Variants in GNA15 observed in about 807,000 individuals in gnomAD.
The protein encoded by GNA15 is guanine nucleotide-binding protein subunit alpha-15.
A neutral mutation model predicts 40.1 loss-of-function variants in GNA15; 23 were observed. The observed-to-expected ratio is 0.57, with a 90% CI of 0.41 to 0.81. The LOEUF is 0.81. GNA15 is among the 40% of genes least tolerant of loss of function. The probability of loss-of-function intolerance (pLI) is 0.00; values close to 1 mark genes in which losing one functional copy is unlikely to be tolerated. For synonymous variants in GNA15, 226 were observed against 210.4 expected (o/e 1.07, Z -0.64); for missense variants, 522 against 515.8 (o/e 1.01, Z -0.12).
chr19:3,149,774 T>G (rs948926705), intron 2 of GNA15: 1 of 191,248 alleles, frequency 5.2e-6, no homozygotes. Flanking sequence ...CAGTGCTCTG[T>G]GTCTTAGTCG....
Position 3,161,048 on chromosome 19 carries a change from TC to T in GNA15, c.899-1743del. 1.3e-5 allele frequency among the ~76,000 whole-genome samples: 2 copies of T among 150,876 alleles called. 1 individual carries two copies. Among genetic ancestry groups the T allele is most frequent in the South Asian group, 4.2e-4 (2 of 4,752 alleles). On this transcript the variant is annotated intron_variant, in intron 6 of 6. Transcript: ENST00000262958. ...GCCTCAACCTCCTGGGCACAGGTGA[TC>T]CTCCCACCTCAGCCTCTTGAGTTGC... is the stretch of plus-strand genomic sequence containing the variant.
chr19:3,151,042 G>A lies in GNA15; in HGVS notation c.486-665G>A, dbSNP rs1466406662. Among the ~76,000 whole-genome samples, 3 of 151,290 alleles carry A rather than the reference G, an allele frequency of 2.0e-5. No homozygotes were observed. The highest frequency in any genetic ancestry group is 7.3e-5 in the African/African-American group (3 of 41,154). ...CCTAGAGTGACCCTGTTCTTGGAGG[G>A]ACCCTGTTCCTGGGGGGACCTTGTT... On this transcript the variant is annotated intron_variant, in intron 3 of 6. Transcript: ENST00000262958. This position sits in a 1 kb window ranked among gnomAD's most constrained non-coding sequence, Gnocchi z 5.0.
rs548919904 is a variant in GNA15, at chr19:3,150,256, G to A, written c.456G>A (p.Arg152=). ...TCCGGGCCTGCTATGAGCGTCGGCGGGAATTCCACCTGCTCGATTCAGCCG... is the reference window on the plus strand; with the variant it reads ...TCCGGGCCTGCTATGAGCGTCGGCGAGAATTCCACCTGCTCGATTCAGCCG... The part of the protein sequence containing the change: ...AGIRACYERR[R]EFHLLDSAVY... The change falls in exon 3 of 7, where the codon CGG becomes CGA. Residue 152 remains arginine, a synonymous_variant. Coordinates refer to ENST00000262958, the MANE Select transcript of GNA15 (RefSeq NM_002068.4). The A allele has an allele frequency of 1.2e-6, 2 of 1,604,826 alleles. No homozygotes were observed. The highest frequency in any genetic ancestry group is 2.2e-5 in the East Asian group (1 of 44,686).
intron 1 of GNA15, among the ~76,000 whole-genome samples, chr19:3,147,319 G>A (rs749376165): frequency 1.1e-4 from 17 of 151,926 alleles, no homozygotes; most frequent in Non-Finnish European, 1.6e-4. Flanking sequence ...TTGGGAGGCC[G>A]AGGCAGACGG....
intron 6 of GNA15, among the ~76,000 whole-genome samples, chr19:3,160,259 G>T (rs1915112702): frequency 6.6e-6 from 1 of 152,000 alleles, no homozygotes; most frequent in African/African-American, 2.4e-5. Flanking sequence ...CTCTCTCTGT[G>T]TCTCTCCCTG....
chr19:3,160,937 C>CTT (rs149959587), intron 6 of GNA15, among the ~76,000 whole-genome samples: 69 of 101,406 alleles, frequency 6.8e-4, no homozygotes, highest in African/African-American at 9.9e-4. Context: ...GGTATGACCA[C>CTT]TTTTTTTTTT....
intron 1 of GNA15, among the ~76,000 whole-genome samples, chr19:3,140,332 C>A (rs755094263): frequency 6.6e-6 from 1 of 152,070 alleles, no homozygotes; most frequent in Non-Finnish European, 1.5e-5. Flanking sequence ...CTCTCTTTTG[C>A]TCTTGGTATC....
chr19:3,160,214 G>A (rs1029554743), intron 6 of GNA15, among the ~76,000 whole-genome samples: 1 of 151,772 alleles, frequency 6.6e-6, no homozygotes, highest in African/African-American at 2.4e-5. Context: ...TCCCCCATAT[G>A]TCTGGTGCCT....
At chr19:3,141,280 A>G (rs913348868) in intron 1 of GNA15, among the ~76,000 whole-genome samples, 5 of 152,132 alleles carry the variant, frequency 3.3e-5, no homozygotes, top group African/African-American at 9.7e-5. Context: ...ACATTGCGAG[A>G]CCCAGTCTCT....
In GNA15 at chr19:3,136,221, C is replaced by T. The variant is rs547805062; in HGVS notation, c.-230C>T. ...GAGCCCTGGCCTCCCCACCTCCTCC[C>T]GTCCCCACCCTGTTCCCAGCACTCA... On this transcript the variant is annotated 5_prime_UTR_variant, in exon 1 of 7. Transcript: ENST00000262958. The surrounding 1 kb of genome is among the most constrained non-coding windows in gnomAD (Gnocchi z 4.9). 5.3e-5 allele frequency: 26 copies of T among 490,944 alleles called. No individual in the cohort carries two copies. Among genetic ancestry groups the T allele is most frequent in the African/African-American group, 3.3e-4 (16 of 48,690 alleles). The allele number at this position is 490,944 out of a possible 1,614,324, so 30.4% of individuals were successfully genotyped here.
chr19:3,160,626 G>A (rs532107521), intron 6 of GNA15, among the ~76,000 whole-genome samples: 1 of 152,312 alleles, frequency 6.6e-6, no homozygotes, highest in South Asian at 2.1e-4. Flanking sequence ...GAGATAACTT[G>A]CCTTCATGTC....
rs1914458399 is a variant in GNA15 at position 3,136,388 on chromosome 19, G to A, written c.-63G>A. On this transcript the variant is annotated 5_prime_UTR_variant, in exon 1 of 7. Transcript: ENST00000262958. This position sits in a 1 kb window ranked among gnomAD's most constrained non-coding sequence, Gnocchi z 4.9. ...CTCTCCAGGGCCGGCTGGGCTGGGG[G>A]TTGCCCTGGCCAGCAGGGGCCCGGG... 2.7e-6 allele frequency: 4 copies of A among 1,506,092 alleles called. No homozygotes were observed. In the South Asian group the frequency reaches 3.8e-5, roughly 14 times the overall value. 93.3% of individuals were successfully genotyped at this position (1,506,092 alleles called of 1,614,324 possible). A position where few individuals can be genotyped will look rare whatever the true frequency, so the allele number is the denominator to read the frequency against.
intron 1 of GNA15, 85 bp from the exon 2 acceptor site, chr19:3,148,506 A>G (rs1599324185): frequency 7.8e-7 from 1 of 1,288,114 alleles, no homozygotes; most frequent in Admixed American, 2.5e-5. Flanking sequence ...CCTGGCGTGG[A>G]GTTGGGGGTG....
chr19:3,150,704 C>T (rs550746138), intron 3 of GNA15, among the ~76,000 whole-genome samples: 1 of 152,068 alleles, frequency 6.6e-6, no homozygotes, highest in Non-Finnish European at 1.5e-5. Flanking sequence ...TGCGAGGACC[C>T]TGTTTCAGGG....
rs552580607 is a variant in GNA15, at chr19:3,148,706, C to T, written c.261C>T (p.Phe87=). Residue 87 remains phenylalanine, a synonymous_variant, in exon 2 of 7, where the codon TTC becomes TTT. Transcript: ENST00000262958. The stretch of plus-strand genomic sequence containing the variant: ...GGCCCCTGGTCTACCAGAACATCTT[C>T]GTGTCCATGCGGGCCATGATCGAGG... ...GFRPLVYQNI[F]VSMRAMIEAM... is the part of the protein sequence containing the mutation. 1.8e-5 allele frequency: 29 copies of T among 1,602,124 alleles called. No homozygotes were observed. The highest frequency in any genetic ancestry group is 4.5e-5 in the South Asian group (4 of 89,200).
rs191919041 is a variant in GNA15 at position 3,160,755 on chromosome 19, C to T, written c.899-2038C>T. On this transcript the variant is annotated intron_variant, in intron 6 of 6. Coordinates refer to ENST00000262958, the MANE Select transcript of GNA15 (RefSeq NM_002068.4). ...CCTTTTGGAGGCTCTAAGGGAAAAT[C>T]CATTCCATGCTTCTCTCTCAGCTTC... Among the ~76,000 whole-genome samples, 201 of 152,194 alleles carry T rather than the reference C, an allele frequency of 1.3e-3. 2 individuals carry two copies. The highest frequency in any genetic ancestry group is 4.7e-3 in the African/African-American group (195 of 41,520).
rs771281132 is a variant in GNA15, at chr19:3,150,219, G to C, written c.419G>C (p.Arg140Thr). 11 of 1,611,512 alleles carry C rather than the reference G, an allele frequency of 6.8e-6. No homozygotes were observed. The highest frequency in any genetic ancestry group is 5.5e-5 in the South Asian group (5 of 90,974). Residue 140 changes from arginine to threonine, a missense_variant, in exon 3 of 7, where the codon AGG (arginine) becomes ACG (threonine). Coordinates refer to ENST00000262958, the MANE Select transcript of GNA15 (RefSeq NM_002068.4). ...RYAAAMQWLW[R>T]DAGIRACYER... The stretch of plus-strand genomic sequence containing the variant: ...GCTGCGGCCATGCAGTGGCTGTGGA[G>C]GGATGCCGGCATCCGGGCCTGCTAT...
chr19:3,149,169 A>G (rs544072914), intron 2 of GNA15: 1 of 199,898 alleles, frequency 5.0e-6, no homozygotes, highest in African/African-American at 2.3e-5. Context: ...AGATGCCCCC[A>G]CACAGATGCA....
intron 5 of GNA15, 103 bp downstream of exon 5, chr19:3,156,055 G>A: frequency 8.9e-7 from 1 of 1,121,944 alleles, no homozygotes; most frequent in Non-Finnish European, 1.3e-6. Flanking sequence ...CTCTTGAACG[G>A]GCCTGTGTGT....
Sources: allele counts gnomAD v4.1 joint callset (sites outside exome capture counted in the v4.1 genomes callset), GRCh38; gene constraint gnomAD v4.1.1; non-coding constraint Gnocchi (gnomAD v3.1); transcripts MANE v1.5; gene names NCBI Gene and HGNC (gene_info 2026-07-23, HGNC 2026-07-21).